GAK: variants seen among roughly 807,000 people sequenced by gnomAD.
GAK encodes the protein cyclin-G-associated kinase.
A neutral mutation model predicts 143.9 loss-of-function variants in GAK; 79 were observed. That is an observed-to-expected ratio of 0.55 (90% CI 0.46 to 0.66). The LOEUF is 0.66. GAK is among the 30% of genes least tolerant of loss of function. The probability of loss-of-function intolerance (pLI) is 0.00; values close to 1 mark genes in which losing one functional copy is unlikely to be tolerated. For missense variants in GAK, 1,693 were observed against 1,779.7 expected, an observed-to-expected ratio of 0.95 and a Z score of 0.88; for synonymous variants, 881 against 765.5, an observed-to-expected ratio of 1.15 and a Z score of -2.49.
chr4:924,988 T>C lies in GAK; in HGVS notation c.145+7055A>G, dbSNP rs551743410. Among the ~76,000 whole-genome samples, 8 of 152,148 alleles carry C rather than the reference T, an allele frequency of 5.3e-5. No homozygotes were observed. In the East Asian group the frequency reaches 1.5e-3, roughly 29 times the overall value. On this transcript the variant is annotated intron_variant, in intron 1 of 27. Transcript: ENST00000314167. ...GTGGAGTTCTGCCCGGGGGCTGCTC[T>C]CAGGAGGAGGTTGCCAGGATCTGAG... is the stretch of plus-strand genomic sequence containing the variant.
At position 882,169 on chromosome 4, in the gene GAK, A is replaced by G; in HGVS notation, c.1528-129T>C. 3 of 1,018,956 alleles carry G rather than the reference A, an allele frequency of 2.9e-6. No individual in the cohort carries two copies. The South Asian group carries it at 4.8e-5, about 16-fold the overall frequency. 63.1% of individuals were successfully genotyped at this position (1,018,956 alleles called of 1,614,324 possible). A position where few individuals can be genotyped will look rare whatever the true frequency, so the allele number is the denominator to read the frequency against. ...GGCTGTTCCTCTCTGAAGCTGGGAT[A>G]TGTTTAGGGAGCTACATAACGTGCC... On this transcript the variant is annotated intron_variant, in intron 14 of 27. Coordinates refer to ENST00000314167, the MANE Select transcript of GAK (RefSeq NM_005255.4).
intron 1 of GAK, among the ~76,000 whole-genome samples, chr4:929,266 T>C (rs1221700775): frequency 6.6e-6 from 1 of 152,238 alleles, no homozygotes; most frequent in Non-Finnish European, 1.5e-5. Context: ...ACACAAGGGC[T>C]GCGGGCTGGC....
chr4:870,093 G>GCACA (rs143454668), intron 19 of GAK: 5 of 154,956 alleles, frequency 3.2e-5, no homozygotes, highest in Non-Finnish European at 5.7e-5. Flanking sequence ...CACCACTCGT[G>GCACA]CACACACACA....
At position 912,724 on chromosome 4, in the gene GAK, G is replaced by A. The variant is rs767100518; in HGVS notation, c.267+11C>T. 8 of 1,612,592 alleles carry A rather than the reference G, an allele frequency of 5.0e-6. No individual in the cohort carries two copies. Among genetic ancestry groups the A allele is most frequent in the Middle Eastern group, 1.7e-4 (1 of 6,056 alleles). The stretch of plus-strand genomic sequence containing the variant: ...CCACCGTGCTGGCTCCTGGTTCCAG[G>A]AAAAGGATACCATGAAGCAAACTTC... On this transcript the variant is annotated intron_variant, in intron 3 of 27. Coordinates refer to ENST00000314167, the MANE Select transcript of GAK (RefSeq NM_005255.4).
In GAK at chr4:932,212, G is replaced by T; in HGVS notation, c.-25C>A. 6.6e-7 allele frequency: 1 copy of T among 1,514,790 alleles called. No homozygotes were observed. Among genetic ancestry groups the T allele is most frequent in the South Asian group, 1.2e-5 (1 of 80,804 alleles). 93.8% of individuals were successfully genotyped at this position (1,514,790 alleles called of 1,614,324 possible). On this transcript the variant is annotated 5_prime_UTR_variant, in exon 1 of 28. Transcript: ENST00000314167. The surrounding 1 kb of genome is among the most constrained non-coding windows in gnomAD (Gnocchi z 4.0). The stretch of plus-strand genomic sequence containing the variant: ...TGGCGGTGGCTGCGCCGCACCCCGC[G>T]GCAGCCGGAGTGGTCGGGCTCGGGC...
In GAK at chr4:877,606, T is replaced by G; in HGVS notation, c.1856+9A>C. 6.4e-7 allele frequency: 1 copy of G among 1,571,302 alleles called. No individual in the cohort carries two copies. ...AGGGAGCACAGCGTGGGGCTGCAGC[T>G]GCACTCACCGCATCTTGTCGTACTC... On this transcript the variant is annotated intron_variant, in intron 16 of 27. Transcript: ENST00000314167.
chr4:850,483 C>T (rs772660532), intron 26 of GAK: 53 of 201,180 alleles, frequency 2.6e-4, no homozygotes, highest in Non-Finnish European at 4.4e-4. Flanking sequence ...CAGAGCAGGG[C>T]GTGTCTCAGG....
At chr4:928,390 C>A (rs1318047626) in intron 1 of GAK, among the ~76,000 whole-genome samples, 1 of 152,208 alleles carries the variant, frequency 6.6e-6, no homozygotes, top group Admixed American at 6.5e-5. Context: ...TAAGGCTGGG[C>A]ACATTATCTC....
At chr4:879,841 C>T (rs993551098) in intron 15 of GAK, among the ~76,000 whole-genome samples, 5 of 152,328 alleles carry the variant, frequency 3.3e-5, no homozygotes, top group African/African-American at 1.2e-4. Flanking sequence ...CTTGTTCTAC[C>T]CCACGCTTTC....
intron 24 of GAK, among the ~76,000 whole-genome samples, chr4:856,744 C>G (rs918122435): frequency 6.6e-6 from 1 of 152,220 alleles, no homozygotes; most frequent in Non-Finnish European, 1.5e-5. Flanking sequence ...TGCTCACCAC[C>G]ACAGCTGGCT....
In GAK at chr4:877,977, A is replaced by G. The variant is rs111260808; in HGVS notation, c.1662-168T>C. ...ATAATTTTCATTTAGTTATATATAT[A>G]TGTGTGTGTGTATACATATATGTAT... On this transcript the variant is annotated intron_variant, in intron 15 of 27. Transcript: ENST00000314167. Among the ~76,000 whole-genome samples the G allele has an allele frequency of 2.1e-3, 326 of 152,126 alleles. 1 individual carries two copies. The highest frequency in any genetic ancestry group is 7.4e-3 in the African/African-American group (308 of 41,480).
intron 11 of GAK, chr4:886,019 G>C (rs1716257049): frequency 6.6e-6 from 1 of 152,168 alleles, no homozygotes; most frequent in Admixed American, 6.5e-5. Flanking sequence ...TCCCTCCTCG[G>C]CCCCCCGAAG....
chr4:902,374 G>A (rs1238585242), intron 5 of GAK, among the ~76,000 whole-genome samples: 3 of 151,946 alleles, frequency 2.0e-5, no homozygotes, highest in African/African-American at 7.3e-5. Flanking sequence ...AGAGGCTGAG[G>A]CGGGTGGATC....
At chr4:928,648 G>A (rs984330642) in intron 1 of GAK, among the ~76,000 whole-genome samples, 1 of 152,226 alleles carries the variant, frequency 6.6e-6, no homozygotes, top group African/African-American at 2.4e-5. Context: ...AGCCCACCTG[G>A]GAGGGTTTCT....
chr4:853,803 C>CT (rs34083653), intron 24 of GAK: 67 of 144,844 alleles, frequency 4.6e-4, no homozygotes, highest in Non-Finnish European at 5.5e-4. Context: ...TGCCCATTTT[C>CT]TTTTTTTTTT....
intron 24 of GAK, chr4:859,381 GGCA>G (rs1338470339): frequency 8.7e-6 from 13 of 1,487,674 alleles, no homozygotes; most frequent in African/African-American, 1.4e-5. Context: ...GGTGGGGGCT[GGCA>G]GCAGTGCCAG....
At chr4:903,783 C>T (rs1720510630) in intron 5 of GAK, among the ~76,000 whole-genome samples, 2 of 151,764 alleles carry the variant, frequency 1.3e-5, no homozygotes, top group South Asian at 2.1e-4. Flanking sequence ...CGGGCACCCT[C>T]GTCCACAGCT....
At position 868,662 on chromosome 4, in the gene GAK, G is replaced by A; in HGVS notation, c.2272C>T (p.Pro758Ser). The change falls in exon 20 of 28, where the codon CCT becomes TCT. Residue 758 changes from proline (P) to serine (S), a missense_variant. This residue lies in a region of GAK where 822 missense variants were observed against 788.7 expected (regional missense o/e 1.04). Transcript: ENST00000314167. The stretch of plus-strand genomic sequence containing the variant: ...GCATCATACTGAGCCGTGGAGCCAG[G>A]CTGCCGGGGAAGCTCCGGCTTCCCT... ...KFGKPELPRQ[P>S]GSTAQYDAGA... 6.4e-7 allele frequency: 1 copy of A among 1,554,838 alleles called. No individual in the cohort carries two copies. Among genetic ancestry groups the A allele is most frequent in the Non-Finnish European group, 8.7e-7 (1 of 1,149,586 alleles).
At chr4:881,842 G>A in intron 15 of GAK, 65 bp downstream of exon 15, 1 of 1,500,182 alleles carries the variant, frequency 6.7e-7, no homozygotes, top group East Asian at 2.5e-5. Flanking sequence ...AGACACCACA[G>A]CGGGGGCGGC....
Sources: allele counts gnomAD v4.1 joint callset (sites outside exome capture counted in the v4.1 genomes callset), GRCh38; gene constraint gnomAD v4.1.1; regional missense constraint gnomAD v4.1.1; non-coding constraint Gnocchi (gnomAD v3.1); transcripts MANE v1.5; gene names NCBI Gene and HGNC (gene_info 2026-07-23, HGNC 2026-07-21).